The following CACNA1I variants were observed in gnomAD, a reference collection of about 807,000 sequenced individuals.
CACNA1I encodes voltage-dependent T-type calcium channel subunit alpha-1I.
CACNA1I carries 74 observed loss-of-function variants against 201.6 expected under a neutral mutation model. The ratio of observed to expected loss-of-function variants is 0.37; its 90% CI spans 0.30 to 0.45. The LOEUF is 0.45. CACNA1I is among the 20% of genes least tolerant of loss of function. The pLI is 1.00. For missense variants in CACNA1I, 2,346 were observed against 3,138.1 expected, an observed-to-expected ratio of 0.75 and a Z score of 6.03; for synonymous variants, 1,431 against 1,345.2, an observed-to-expected ratio of 1.06 and a Z score of -1.40.
At chr22:39,582,104 C>A (rs1251395294) in intron 1 of CACNA1I, among the ~76,000 whole-genome samples, 1 of 152,192 alleles carries the variant, frequency 6.6e-6, no homozygotes, top group African/African-American at 2.4e-5. Context: ...CTATACCTGG[C>A]TTTTCCCAGT....
chr22:39,674,008 A>G lies in CACNA1I; in HGVS notation c.4829A>G (p.Asp1610Gly). The change falls in exon 29 of 37, where the codon GAC becomes GGC. Residue 1610 changes from aspartate to glycine, a missense_variant. Around this residue, in one of 13 missense-constraint regions of CACNA1I, gnomAD observed 228 missense variants for 395.7 expected, o/e 0.58. Coordinates refer to ENST00000402142, the MANE Select transcript of CACNA1I (RefSeq NM_021096.4). ...KMATGMRALL[D>G]TVVQALPQVG... is the part of the protein sequence containing the mutation. ...GCCACAGGAATGCGGGCCCTGCTGG[A>G]CACGGTGGTGCAAGCTTTGCCCCAG... The G allele has an allele frequency of 6.2e-7, 1 of 1,613,452 alleles. No homozygotes were observed.
intron 29 of CACNA1I, among the ~76,000 whole-genome samples, 196 bp downstream of exon 29, chr22:39,674,229 T>C (rs714031): frequency 0.53 from 80,546 of 151,856 alleles, 22,186 homozygotes; most frequent in East Asian, 0.96. Context: ...AGTTTCACCA[T>C]GTGGTTGCCA....
Position 39,634,585 on chromosome 22 carries a change from C to T in CACNA1I, c.601C>T (p.Leu201=), listed in dbSNP as rs375431821. ...CCCAGGTATGCGGATCCTGGTGAAC[C>T]TGCTCCTGGACACACTGCCCATGCT... The part of the protein sequence containing the change: ...RVPSMRILVN[L]LLDTLPMLGN... The change falls in exon 5 of 37, where the codon CTG becomes TTG. Residue 201 remains leucine (L), a synonymous_variant. Coordinates refer to ENST00000402142, the MANE Select transcript of CACNA1I (RefSeq NM_021096.4). The T allele has an allele frequency of 1.9e-6, 3 of 1,613,834 alleles. No individual in the cohort carries two copies. Among genetic ancestry groups the T allele is most frequent in the African/African-American group, 1.3e-5 (1 of 74,890 alleles).
In CACNA1I at chr22:39,648,097, G is replaced by A. The variant is rs981210405; in HGVS notation, c.1567+171G>A. ...GGACAGGGGCCCCCAGCACGTGGCCGTCCACGGCGGGAGTCAGCCACCCCA... is the reference window on the plus strand; with the variant it reads ...GGACAGGGGCCCCCAGCACGTGGCCATCCACGGCGGGAGTCAGCCACCCCA... On this transcript the variant is annotated intron_variant, in intron 9 of 36. Transcript: ENST00000402142. This position sits in a 1 kb window ranked among gnomAD's most constrained non-coding sequence, Gnocchi z 5.4. Among the ~76,000 whole-genome samples the A allele has an allele frequency of 9.2e-5, 14 of 152,166 alleles. No homozygotes were observed. The highest frequency in any genetic ancestry group is 7.4e-5 in the Non-Finnish European group (5 of 68,022).
In CACNA1I at chr22:39,659,992, A is replaced by G. The variant is rs531058988; in HGVS notation, c.2604+140A>G. 4.7e-5 allele frequency: 43 copies of G among 905,314 alleles called. No individual in the cohort carries two copies. In the East Asian group the frequency reaches 1.1e-3, roughly 23 times the overall value. The allele number at this position is 905,314 out of a possible 1,614,324, so 56.1% of individuals were successfully genotyped here. A position where few individuals can be genotyped will look rare whatever the true frequency, so the allele number is the denominator to read the frequency against. On this transcript the variant is annotated intron_variant, in intron 14 of 36. Transcript: ENST00000402142. This position sits in a 1 kb window ranked among gnomAD's most constrained non-coding sequence, Gnocchi z 4.3. ...TCCCTAAAGGAGGGGGTTGCTGATG[A>G]GGTGGTGAGCTCTTCATCATAGGAA...
intron 1 of CACNA1I, chr22:39,587,673 G>A (rs1016896882): frequency 8.0e-5 from 35 of 437,686 alleles, no homozygotes; most frequent in Non-Finnish European, 1.4e-4. Flanking sequence ...AAGGAACAGA[G>A]ATGATGCCCA....
chr22:39,607,760 A>G (rs1933259415), intron 3 of CACNA1I, among the ~76,000 whole-genome samples: 2 of 152,128 alleles, frequency 1.3e-5, no homozygotes, highest in African/African-American at 4.8e-5. Flanking sequence ...AGGCTGAGGC[A>G]GGCAGATCAC....
chr22:39,617,037 G>C (rs994639613), intron 3 of CACNA1I, among the ~76,000 whole-genome samples: 1 of 152,100 alleles, frequency 6.6e-6, no homozygotes, highest in Non-Finnish European at 1.5e-5. Flanking sequence ...GCTCTGGTCC[G>C]GGGTGGAATG....
At chr22:39,664,563 C>T (rs1468158377) in intron 20 of CACNA1I, among the ~76,000 whole-genome samples, 176 bp from the exon 21 acceptor site, 1 of 152,082 alleles carries the variant, frequency 6.6e-6, no homozygotes, top group African/African-American at 2.4e-5. Context: ...CATCAACCGC[C>T]CTCAGAGGGC....
chr22:39,604,758 T>A (rs1414622861), intron 3 of CACNA1I, among the ~76,000 whole-genome samples: 2 of 151,744 alleles, frequency 1.3e-5, no homozygotes, highest in Non-Finnish European at 2.9e-5. Context: ...TTTTTTTTTT[T>A]ACTTTTTAAT....
In CACNA1I at chr22:39,674,042, C is replaced by A; in HGVS notation, c.4854+9C>A. The stretch of plus-strand genomic sequence containing the variant: ...TGCAAGCTTTGCCCCAGGTAAGAGC[C>A]ACTCTTTCTGGCAGCCCTCCTAGGG... On this transcript the variant is annotated intron_variant, in intron 29 of 36. Transcript: ENST00000402142. 6.2e-7 allele frequency: 1 copy of A among 1,612,656 alleles called. No individual in the cohort carries two copies. The highest frequency in any genetic ancestry group is 8.5e-7 in the Non-Finnish European group (1 of 1,179,482).
At chr22:39,650,028 C>A in intron 10 of CACNA1I, 103 bp downstream of exon 10, 1 of 1,276,596 alleles carries the variant, frequency 7.8e-7, no homozygotes, top group Non-Finnish European at 1.1e-6. Context: ...GTTTGTGTGT[C>A]TGTCCACCTA....
chr22:39,571,089 T>C (rs1932168055), intron 1 of CACNA1I, 101 bp downstream of exon 1: 2 of 1,071,852 alleles, frequency 1.9e-6, no homozygotes, highest in Non-Finnish European at 2.9e-6. Context: ...CTGGGAGACC[T>C]GAGGTCTGCG....
chr22:39,597,987 A>T (rs1001919147), intron 1 of CACNA1I, among the ~76,000 whole-genome samples, 164 bp from the exon 2 acceptor site: 9 of 152,144 alleles, frequency 5.9e-5, no homozygotes, highest in African/African-American at 1.9e-4. Flanking sequence ...GCAGACTGGC[A>T]CCACGGGCTT....
At chr22:39,663,901 C>T in intron 19 of CACNA1I, 60 bp downstream of exon 19, 1 of 1,603,844 alleles carries the variant, frequency 6.2e-7, no homozygotes, top group East Asian at 2.2e-5. Flanking sequence ...CTCGCCAGGG[C>T]TGAGCAGGGC....
chr22:39,634,475 C>T, intron 4 of CACNA1I, 90 bp from the exon 5 acceptor site: 3 of 1,270,836 alleles, frequency 2.4e-6, no homozygotes, highest in Non-Finnish European at 3.4e-6. Context: ...TCCCCCTCCC[C>T]CTCCCTGTTT....
Position 39,668,171 on chromosome 22 carries a change from A to G in CACNA1I, c.4105-121A>G. 3 of 654,836 alleles carry G rather than the reference A, an allele frequency of 4.6e-6. No homozygotes were observed. In the Admixed American group the frequency reaches 7.0e-5, roughly 15 times the overall value. The allele number at this position is 654,836 out of a possible 1,614,324, so 40.6% of individuals were successfully genotyped here. ...ACGAGGGCACAGCTCTGCCACACAG[A>G]GAAGACCTCTTTGTCCCTCTGCCTC... On this transcript the variant is annotated intron_variant, in intron 23 of 36. Transcript: ENST00000402142.
At chr22:39,681,622 C>T (rs892454520) in intron 34 of CACNA1I, among the ~76,000 whole-genome samples, 2 of 152,108 alleles carry the variant, frequency 1.3e-5, no homozygotes, top group African/African-American at 2.4e-5. Flanking sequence ...TCTGAGGAGG[C>T]CTGCAGGCCA....
intron 1 of CACNA1I, chr22:39,571,232 A>C: frequency 1.8e-6 from 1 of 561,934 alleles, no homozygotes; most frequent in Admixed American, 3.0e-5. Flanking sequence ...GGGTCAGTCC[A>C]GTGGCTGGCT....
Sources: gnomAD v4.1 joint callset for allele counts (sites outside exome capture counted in the v4.1 genomes callset) on GRCh38, gnomAD v4.1.1 for gene constraint, gnomAD v4.1.1 regional missense constraint, Gnocchi (gnomAD v3.1) non-coding constraint, MANE v1.5 for transcripts, NCBI Gene and HGNC (gene_info 2026-07-23, HGNC 2026-07-21) for gene names.